VPS37A: variants seen among roughly 807,000 people sequenced by gnomAD.
VPS37A encodes VPS37A subunit of ESCRT-I.
VPS37A carries 30 observed loss-of-function variants against 49.8 expected under a neutral mutation model. That is an observed-to-expected ratio of 0.60 (90% CI 0.45 to 0.82). The LOEUF is 0.82. VPS37A is among the 40% of genes least tolerant of loss of function. VPS37A has a pLI of 0.00. For missense variants in VPS37A, 593 were observed against 464.4 expected, an observed-to-expected ratio of 1.28 and a Z score of -2.55; for synonymous variants, 195 against 160.6, an observed-to-expected ratio of 1.21 and a Z score of -1.62.
In VPS37A at chr8:17,266,119, G is replaced by A. The variant is rs1813423616; in HGVS notation, c.200+138G>A. The A allele has an allele frequency of 5.4e-6, 4 of 747,616 alleles. No homozygotes were observed. The East Asian group carries it at 1.1e-4, about 21-fold the overall frequency. 46.3% of individuals were successfully genotyped at this position (747,616 alleles called of 1,614,324 possible). ...TTTATAAAATAGTGCACAATTCAGT[G>A]AAATAAAAATATTCGAAAGCTATCA... On this transcript the variant is annotated intron_variant, in intron 2 of 11. Transcript: ENST00000324849.
At chr8:17,278,582 G>T (rs1174363781) in intron 6 of VPS37A, among the ~76,000 whole-genome samples, 3 of 152,038 alleles carry the variant, frequency 2.0e-5, no homozygotes, top group Non-Finnish European at 4.4e-5. Context: ...GGCTCATCAT[G>T]AACATTTCTT....
the VPS37A span, among the ~76,000 whole-genome samples, chr8:17,325,393 G>A: frequency 2.0e-5 from 3 of 152,162 alleles, no homozygotes; most frequent in East Asian, 1.9e-4. Context: ...AGAACAGATC[G>A]GGTATCATCT....
At chr8:17,272,797 A>G (rs1162336695) in intron 4 of VPS37A, among the ~76,000 whole-genome samples, 2 of 152,118 alleles carry the variant, frequency 1.3e-5, no homozygotes, top group African/African-American at 2.4e-5. Context: ...GGGGTCATAT[A>G]TTCACCTGGC....
rs1816673040 is a variant in VPS37A, at chr8:17,296,752, C to T, written c.*1766C>T. 6.6e-6 allele frequency: 1 copy of T among 152,092 alleles called. No individual in the cohort carries two copies. The highest frequency in any genetic ancestry group is 1.5e-5 in the Non-Finnish European group (1 of 67,980). The allele number at this position is 152,092 out of a possible 1,614,324, so 9.4% of individuals were successfully genotyped here. A position where few individuals can be genotyped will look rare whatever the true frequency, so the allele number is the denominator to read the frequency against. On this transcript the variant is annotated 3_prime_UTR_variant, in exon 12 of 12. Coordinates refer to ENST00000324849, the MANE Select transcript of VPS37A (RefSeq NM_152415.3). ...ACCAGAAAAACAGAAAAAAAAGAAA[C>T]ATTTTCTTACAGAGTAAAAATGTTC...
downstream of VPS37A, chr8:17,304,460 A>T (rs749384587): frequency 6.2e-7 from 1 of 1,614,092 alleles, no homozygotes; most frequent in East Asian, 2.2e-5. Context: ...CAGAGGATTC[A>T]GGTAGTCGGC....
intron 5 of VPS37A, 151 bp from the exon 6 acceptor site, chr8:17,276,246 G>A: frequency 1.6e-6 from 1 of 616,772 alleles, no homozygotes; most frequent in Non-Finnish European, 2.7e-6. Context: ...GAAGGAAGAA[G>A]GGGAGACTAA....
intron 11 of VPS37A, among the ~76,000 whole-genome samples, chr8:17,289,473 T>C (rs190181735): frequency 2.0e-5 from 3 of 152,318 alleles, no homozygotes; most frequent in Admixed American, 1.3e-4. Context: ...CCTTCCCCCA[T>C]TGCTTTTGTC....
intron 10 of VPS37A, 125 bp from the exon 11 acceptor site, chr8:17,286,222 A>G (rs1313437880): frequency 4.3e-6 from 3 of 698,494 alleles, no homozygotes; most frequent in Middle Eastern, 2.5e-4. Flanking sequence ...ATTATTAGCT[A>G]TCTTCAACAT....
chr8:17,275,581 C>T (rs1814441640), intron 5 of VPS37A, among the ~76,000 whole-genome samples: 1 of 152,144 alleles, frequency 6.6e-6, no homozygotes, highest in Non-Finnish European at 1.5e-5. Context: ...GATGGGTCTG[C>T]TAACATACGC....
intron 6 of VPS37A, among the ~76,000 whole-genome samples, chr8:17,277,033 A>C (rs1271265173): frequency 2.0e-5 from 3 of 152,060 alleles, no homozygotes; most frequent in Non-Finnish European, 4.4e-5. Context: ...TTATACCCCC[A>C]TTGAGAGTTC....
chr8:17,314,404 A>G, the VPS37A span, among the ~76,000 whole-genome samples: 1 of 152,118 alleles, frequency 6.6e-6, no homozygotes, highest in East Asian at 1.9e-4. Context: ...CCAGTCTCTG[A>G]GCCTCAATTT....
intron 1 of VPS37A, among the ~76,000 whole-genome samples, chr8:17,256,721 C>T (rs997928411): frequency 1.3e-5 from 2 of 151,664 alleles, no homozygotes; most frequent in Non-Finnish European, 2.9e-5. Context: ...GGCACTGTCT[C>T]GGCTCACCAC....
chr8:17,247,452 T>A (rs1585886199), intron 1 of VPS37A, 83 bp downstream of exon 1: 1 of 1,499,258 alleles, frequency 6.7e-7, no homozygotes, highest in East Asian at 2.5e-5. Context: ...AGCGCCTCAG[T>A]CTGCTCCCCA....
the VPS37A span, among the ~76,000 whole-genome samples, chr8:17,311,193 CTTGAAATACTTAT>C: frequency 6.6e-6 from 1 of 152,156 alleles, no homozygotes; most frequent in Admixed American, 6.5e-5. Context: ...TTACCTCAAA[CTTGAAATACTTAT>C]GAGCAAATGA....
chr8:17,269,781 T>G (rs1813807334), intron 4 of VPS37A, among the ~76,000 whole-genome samples: 3 of 152,226 alleles, frequency 2.0e-5, no homozygotes, highest in Admixed American at 2.0e-4. Flanking sequence ...TCCTAGTTTC[T>G]TGGTTTACTG....
downstream of VPS37A, chr8:17,304,346 C>A (rs917678233): frequency 5.0e-6 from 8 of 1,598,002 alleles, no homozygotes; most frequent in African/African-American, 8.0e-5. Flanking sequence ...CAAGTTCATA[C>A]CATGGCTACA....
At chr8:17,333,439 T>A in the VPS37A span, among the ~76,000 whole-genome samples, 1 of 152,242 alleles carries the variant, frequency 6.6e-6, no homozygotes, top group Admixed American at 6.5e-5. Flanking sequence ...ATAAAATTAA[T>A]AGGAGATTTG....
chr8:17,263,525 C>G (rs932664448), intron 1 of VPS37A, among the ~76,000 whole-genome samples: 4 of 105,572 alleles, frequency 3.8e-5, no homozygotes, highest in Non-Finnish European at 6.6e-5. Flanking sequence ...GAAGAAAACT[C>G]ATAAAAAAAA....
rs1377268455 is a variant in VPS37A at position 17,296,047 on chromosome 8, A to G, written c.*1061A>G. 1.3e-5 allele frequency: 2 copies of G among 152,228 alleles called. No individual in the cohort carries two copies. Among genetic ancestry groups the G allele is most frequent in the Non-Finnish European group, 2.9e-5 (2 of 68,038 alleles). 9.4% of individuals were successfully genotyped at this position (152,228 alleles called of 1,614,324 possible). A position where few individuals can be genotyped will look rare whatever the true frequency, so the allele number is the denominator to read the frequency against. ...TGTAGCTCAGGCTTGGTAAGGTGCC[A>G]TCTAAATTACAAAACAAACTAATGC... On this transcript the variant is annotated 3_prime_UTR_variant, in exon 12 of 12. Coordinates refer to ENST00000324849, the MANE Select transcript of VPS37A (RefSeq NM_152415.3).
Sources: allele counts gnomAD v4.1 joint callset (sites outside exome capture counted in the v4.1 genomes callset), GRCh38; gene constraint gnomAD v4.1.1; transcripts MANE v1.5; gene names NCBI Gene and HGNC (gene_info 2026-07-23, HGNC 2026-07-21).